Variants in AKR1B15 observed in about 807,000 individuals in gnomAD.
AKR1B15 encodes the protein aldo-keto reductase family 1 member B15, also known as estradiol 17-beta-dehydrogenase AKR1B15.
Under a neutral mutation model 38.5 loss-of-function variants are expected in AKR1B15, and 49 were observed. The ratio of observed to expected loss-of-function variants is 1.27; its 90% confidence interval spans 1.01 to 1.62. AKR1B15 has a LOEUF of 1.62. AKR1B15 is among the 40% of genes most tolerant of loss of function. AKR1B15 has a pLI of 0.00. For synonymous variants in AKR1B15, 137 were observed against 135.5 expected (o/e 1.01, Z -0.08); for missense variants, 411 against 381.6 (o/e 1.08, Z -0.64).
chr7:134,577,696 C>T lies in AKR1B15; in HGVS notation c.910-8C>T. The T allele has an allele frequency of 6.2e-7, 1 of 1,613,252 alleles. No individual in the cohort carries two copies. Among genetic ancestry groups the T allele is most frequent in the Non-Finnish European group, 8.5e-7 (1 of 1,179,630 alleles). Reference sequence around the variant, plus strand: ...ACCGATAATGTATTGGAATTCTTTCCTTTCTAGGTCTTTGACTTTAAATTG... The same window carrying T: ...ACCGATAATGTATTGGAATTCTTTCTTTTCTAGGTCTTTGACTTTAAATTG... On this transcript the variant is annotated splice_region_variant and splice_polypyrimidine_tract_variant and intron_variant, in intron 10 of 11. Transcript: ENST00000457545.
intron 2 of AKR1B15, among the ~76,000 whole-genome samples, chr7:134,564,294 C>T (rs530956493): frequency 1.1e-4 from 17 of 152,360 alleles, no homozygotes; most frequent in Non-Finnish European, 1.9e-4. Context: ...GACTCTTTGA[C>T]AGCAGTGACT....
rs1429039797 is a variant in AKR1B15 at position 134,554,911 on chromosome 7, T to C, written c.-146-1825T>C. Among the ~76,000 whole-genome samples, 5 of 152,210 alleles carry C rather than the reference T, an allele frequency of 3.3e-5. No individual in the cohort carries two copies. In the East Asian group the frequency reaches 5.8e-4, roughly 18 times the overall value. ...CATTAAACATTCAATGGAAACTCCA[T>C]TGTGCCTATCGACCCCAGAGCTCTG... On this transcript the variant is annotated intron_variant, in intron 1 of 11. Transcript: ENST00000457545.
intron 2 of AKR1B15, among the ~76,000 whole-genome samples, chr7:134,562,322 C>A (rs150251244): frequency 4.2e-4 from 64 of 152,272 alleles, no homozygotes; most frequent in African/African-American, 1.5e-3. Flanking sequence ...GGTACCTAAG[C>A]GGGTTGCCTA....
At chr7:134,557,122 C>T (rs1040362209) in intron 2 of AKR1B15, among the ~76,000 whole-genome samples, 3 of 152,166 alleles carry the variant, frequency 2.0e-5, no homozygotes, top group Non-Finnish European at 2.9e-5. Flanking sequence ...TTTCTCATTC[C>T]TGGAGTACCA....
intron 1 of AKR1B15, among the ~76,000 whole-genome samples, chr7:134,549,890 CT>C (rs1198676249): frequency 6.6e-6 from 1 of 152,200 alleles, no homozygotes; most frequent in African/African-American, 2.4e-5. Flanking sequence ...TACAGATTTT[CT>C]ATCCCAGGAG....
chr7:134,563,553 C>G (rs1426389605), intron 2 of AKR1B15, among the ~76,000 whole-genome samples: 4 of 152,116 alleles, frequency 2.6e-5, no homozygotes. Context: ...GTCTCAAAAA[C>G]AAACAAACAA....
chr7:134,575,584 A>T lies in AKR1B15; in HGVS notation c.636+42A>T, dbSNP rs779487942. On this transcript the variant is annotated intron_variant, in intron 7 of 11. Coordinates refer to ENST00000457545, the MANE Select transcript of AKR1B15 (RefSeq NM_001080538.3). ...TTAAGGGTAAGGGTCCTGCCCTATTACTTCTTAAACATTGCGGGGGGAATG... is the reference window on the plus strand; with the variant it reads ...TTAAGGGTAAGGGTCCTGCCCTATTTCTTCTTAAACATTGCGGGGGGAATG... 5.6e-6 allele frequency: 9 copies of T among 1,610,550 alleles called. No individual in the cohort carries two copies. The African/African-American group carries it at 1.2e-4, about 22-fold the overall frequency.
At chr7:134,551,010 G>A (rs78856788) in intron 1 of AKR1B15, among the ~76,000 whole-genome samples, 128 of 152,264 alleles carry the variant, frequency 8.4e-4, no homozygotes, top group East Asian at 7.9e-3. Flanking sequence ...GGCTCCACTC[G>A]TGATAAAACT....
intron 3 of AKR1B15, among the ~76,000 whole-genome samples, chr7:134,566,622 G>A (rs1337410009): frequency 2.0e-5 from 3 of 152,134 alleles, no homozygotes; most frequent in African/African-American, 7.2e-5. Flanking sequence ...AACTAGTGAT[G>A]AGAAGCAGTC....
At chr7:134,555,099 C>T (rs1341597286) in intron 1 of AKR1B15, among the ~76,000 whole-genome samples, 3 of 152,178 alleles carry the variant, frequency 2.0e-5, no homozygotes, top group African/African-American at 7.2e-5. Context: ...TATGGAAGGG[C>T]TCCGCCTATC....
chr7:134,578,370 T>C (rs1351540898), intron 11 of AKR1B15, among the ~76,000 whole-genome samples: 3 of 152,194 alleles, frequency 2.0e-5, no homozygotes, highest in African/African-American at 7.2e-5. Context: ...TTGGCAGTGA[T>C]AACAGCAGGT....
intron 6 of AKR1B15, among the ~76,000 whole-genome samples, chr7:134,573,738 T>G (rs2117666583): frequency 1.3e-5 from 2 of 152,334 alleles, no homozygotes; most frequent in East Asian, 3.9e-4. Flanking sequence ...TTTCATAGCT[T>G]CCAAACTCTA....
chr7:134,577,865 G>T, intron 11 of AKR1B15, 79 bp downstream of exon 11: 1 of 1,507,262 alleles, frequency 6.6e-7, no homozygotes, highest in Non-Finnish European at 9.1e-7. Context: ...AGGATTAGAA[G>T]GTTGTTGGGA....
chr7:134,560,530 C>T (rs1355861764), intron 2 of AKR1B15, among the ~76,000 whole-genome samples: 1 of 152,104 alleles, frequency 6.6e-6, no homozygotes, highest in Non-Finnish European at 1.5e-5. Context: ...AATAGATATA[C>T]CTTCTTAATC....
intron 1 of AKR1B15, among the ~76,000 whole-genome samples, chr7:134,554,339 C>T (rs1026205770): frequency 3.3e-5 from 5 of 152,116 alleles, no homozygotes; most frequent in Non-Finnish European, 7.4e-5. Context: ...AGAATACTCC[C>T]CAGAGGAAGA....
In AKR1B15 at chr7:134,577,733, G is replaced by A. The variant is rs548984037; in HGVS notation, c.939G>A (p.Glu313=). The A allele has an allele frequency of 1.6e-5, 26 of 1,613,852 alleles. No individual in the cohort carries two copies. The highest frequency in any genetic ancestry group is 1.9e-5 in the Non-Finnish European group (23 of 1,179,966). The part of the protein sequence containing the change: ...QVFDFKLSDE[E]MATILSFNRN... ...TTGACTTTAAATTGAGTGATGAGGAGATGGCAACCATACTCAGCTTCAACA... is the reference window on the plus strand; with the variant it reads ...TTGACTTTAAATTGAGTGATGAGGAAATGGCAACCATACTCAGCTTCAACA... Residue 313 remains glutamate, a synonymous_variant, in exon 11 of 12, where the codon GAG becomes GAA. Transcript: ENST00000457545.
chr7:134,576,853 G>A (rs147327013), intron 9 of AKR1B15, 110 bp from the exon 10 acceptor site: 38,910 of 1,006,886 alleles, frequency 0.039, 897 homozygotes, highest in Middle Eastern at 0.088. Flanking sequence ...GTAATTATTA[G>A]CGATTGTACC....
At chr7:134,561,966 T>C (rs1211184504) in intron 2 of AKR1B15, among the ~76,000 whole-genome samples, 1 of 151,066 alleles carries the variant, frequency 6.6e-6, no homozygotes, top group Admixed American at 6.6e-5. Context: ...GCCTTTGTTT[T>C]TTCTTCCTTC....
At chr7:134,562,512 G>A (rs1315629009) in intron 2 of AKR1B15, among the ~76,000 whole-genome samples, 6 of 151,564 alleles carry the variant, frequency 4.0e-5, no homozygotes, top group South Asian at 2.1e-4. Context: ...TCCATTATAC[G>A]GAGCACTGAT....
Sources: gnomAD v4.1 joint callset for allele counts (sites outside exome capture counted in the v4.1 genomes callset) on GRCh38, gnomAD v4.1.1 for gene constraint, MANE v1.5 for transcripts, NCBI Gene and HGNC (gene_info 2026-07-23, HGNC 2026-07-21) for gene names.